The following DGKB variants were observed in gnomAD, a reference collection of about 807,000 sequenced individuals.
DGKB encodes the protein diacylglycerol kinase beta.
Under a neutral mutation model 114.3 loss-of-function variants are expected in DGKB, and 67 were observed. The observed-to-expected ratio is 0.59, with a 90% confidence interval of 0.48 to 0.72. The LOEUF (loss-of-function observed/expected upper bound fraction) is 0.72, where lower values mean the gene tolerates loss of function less well. Ranked by LOEUF, DGKB falls within the 30% of genes least tolerant of loss-of-function variation. DGKB has a pLI of 0.00. For synonymous variants in DGKB, 398 were observed against 323.1 expected, an observed-to-expected ratio of 1.23 and a Z score of -2.49; for missense variants, 907 against 975.2, an observed-to-expected ratio of 0.93 and a Z score of 0.93.
At chr7:14,742,536 C>T (rs1358651886) in intron 4 of DGKB, among the ~76,000 whole-genome samples, 31 of 152,118 alleles carry the variant, frequency 2.0e-4, no homozygotes. Context: ...AAGTCAGATA[C>T]TAGGTTCGCT....
chr7:14,765,841 G>C (rs957784308), intron 2 of DGKB, among the ~76,000 whole-genome samples: 1 of 151,916 alleles, frequency 6.6e-6, no homozygotes, highest in Non-Finnish European at 1.5e-5. Flanking sequence ...TGACTGGTGT[G>C]GACCAATAGT....
chr7:14,480,255 T>G (rs1227936225), intron 20 of DGKB, among the ~76,000 whole-genome samples: 1 of 152,048 alleles, frequency 6.6e-6, no homozygotes. Context: ...AATATTAGCT[T>G]ATTTATCTTC....
chr7:14,227,424 C>A (rs1790978282), intron 23 of DGKB, among the ~76,000 whole-genome samples: 1 of 151,612 alleles, frequency 6.6e-6, no homozygotes, highest in South Asian at 2.1e-4. Flanking sequence ...TGAGAAACAG[C>A]CAAACAAACT....
At chr7:14,281,167 T>C (rs1253709654) in intron 23 of DGKB, among the ~76,000 whole-genome samples, 1 of 150,882 alleles carries the variant, frequency 6.6e-6, no homozygotes, top group East Asian at 2.0e-4. Flanking sequence ...TGGAGGAAGA[T>C]CTACCAAGCA....
intron 23 of DGKB, among the ~76,000 whole-genome samples, chr7:14,324,632 A>G (rs1477858048): frequency 1.3e-5 from 2 of 152,108 alleles, no homozygotes; most frequent in Non-Finnish European, 2.9e-5. Context: ...GTGGCAAAAA[A>G]ACAATAATTA....
intron 6 of DGKB, among the ~76,000 whole-genome samples, chr7:14,715,306 A>C (rs1828011497): frequency 6.6e-6 from 1 of 152,192 alleles, no homozygotes; most frequent in South Asian, 2.1e-4. Context: ...CAAGGCTTGG[A>C]GTATTGTAAC....
In DGKB at chr7:14,395,974, A is replaced by G. The variant is rs1483194421; in HGVS notation, c.1836-50583T>C. On this transcript the variant is annotated intron_variant, in intron 21 of 25. Coordinates refer to ENST00000402815, the MANE Select transcript of DGKB (RefSeq NM_001350709.2). ...TGGTTATAAATTATACATTTGAAGG[A>G]CTGCTTTCAATATAACTTTCCTCAT... is the stretch of plus-strand genomic sequence containing the variant. Among the ~76,000 whole-genome samples, 5 of 152,162 alleles carry G rather than the reference A, an allele frequency of 3.3e-5. 1 individual carries two copies. The East Asian group carries it at 9.6e-4, about 29-fold the overall frequency.
intron 8 of DGKB, among the ~76,000 whole-genome samples, chr7:14,697,235 A>C (rs1824098581): frequency 6.6e-6 from 1 of 152,238 alleles, no homozygotes; most frequent in Admixed American, 6.5e-5. Context: ...AATTTAATTA[A>C]AAATTCCTGA....
chr7:14,224,260 A>C (rs74937649), intron 23 of DGKB, among the ~76,000 whole-genome samples: 13,196 of 151,884 alleles, frequency 0.087, 832 homozygotes, highest in East Asian at 0.21. Context: ...GTCATTAATT[A>C]TTTCTTTGCC....
chr7:14,572,418 C>A (rs1434995250), intron 20 of DGKB, among the ~76,000 whole-genome samples: 5 of 151,072 alleles, frequency 3.3e-5, no homozygotes, highest in African/African-American at 1.2e-4. Context: ...TGCCACTGCA[C>A]TCCAGCCTGG....
At chr7:14,668,146 T>G (rs775147418) in intron 13 of DGKB, among the ~76,000 whole-genome samples, 1 of 152,026 alleles carries the variant, frequency 6.6e-6, no homozygotes, top group African/African-American at 2.4e-5. Context: ...AGGAAGCAGG[T>G]TGGGGTGTAC....
chr7:14,225,416 C>G (rs1790639460), intron 23 of DGKB, among the ~76,000 whole-genome samples: 1 of 152,044 alleles, frequency 6.6e-6, no homozygotes, highest in Non-Finnish European at 1.5e-5. Context: ...TTTGTTGCCC[C>G]TAAGACCATA....
intron 23 of DGKB, among the ~76,000 whole-genome samples, chr7:14,296,556 T>C (rs1041093169): frequency 6.6e-6 from 1 of 152,038 alleles, no homozygotes; most frequent in African/African-American, 2.4e-5. Context: ...TATTTCTGGC[T>C]CTAGATCCCT....
At chr7:14,697,724 G>A (rs1321880231) in intron 8 of DGKB, among the ~76,000 whole-genome samples, 293 of 125,394 alleles carry the variant, frequency 2.3e-3, no homozygotes, top group African/African-American at 8.6e-3. Context: ...AGAAAAGGAA[G>A]GAAGGAAAGA....
At chr7:14,520,173 G>C (rs1440251271) in intron 20 of DGKB, among the ~76,000 whole-genome samples, 1 of 146,520 alleles carries the variant, frequency 6.8e-6, no homozygotes, top group Non-Finnish European at 1.5e-5. Context: ...TATAGTTTTA[G>C]AACTTATTAG....
chr7:14,309,160 G>A (rs955486865), intron 23 of DGKB, among the ~76,000 whole-genome samples: 1 of 152,100 alleles, frequency 6.6e-6, no homozygotes, highest in Non-Finnish European at 1.5e-5. Context: ...AGGTTGCAGT[G>A]AGCCATTATT....
rs985678992 is a variant in DGKB, at chr7:14,319,027, T to C, written c.2122+19488A>G. On this transcript the variant is annotated intron_variant, in intron 23 of 25. Coordinates refer to ENST00000402815, the MANE Select transcript of DGKB (RefSeq NM_001350709.2). The stretch of plus-strand genomic sequence containing the variant: ...TTGGAAACCATCATTCTCAGTAAAC[T>C]GTCGCAAGAACAAAAAACCAAACAC... Among the ~76,000 whole-genome samples the C allele has an allele frequency of 5.9e-5, 9 of 151,472 alleles. No homozygotes were observed. In the South Asian group the frequency reaches 1.9e-3, roughly 32 times the overall value.
At chr7:14,461,969 G>A (rs118128309) in intron 21 of DGKB, among the ~76,000 whole-genome samples, 1,575 of 152,264 alleles carry the variant, frequency 0.01, 30 homozygotes, top group African/African-American at 0.034. Context: ...ATCAGTAACT[G>A]TAATCCATCA....
chr7:14,912,702 T>C (rs1784057183), intron 1 of DGKB, among the ~76,000 whole-genome samples: 1 of 152,196 alleles, frequency 6.6e-6, no homozygotes, highest in African/African-American at 2.4e-5. Context: ...CTAAATATTG[T>C]CGTGAAAATC....
Sources: gnomAD v4.1 joint callset for allele counts (sites outside exome capture counted in the v4.1 genomes callset) on GRCh38, gnomAD v4.1.1 for gene constraint, MANE v1.5 for transcripts, NCBI Gene and HGNC (gene_info 2026-07-23, HGNC 2026-07-21) for gene names.